SLC13A4: variants seen among roughly 807,000 people sequenced by gnomAD.
SLC13A4 encodes solute carrier family 13 member 4.
In SLC13A4, 28 loss-of-function variants were observed where a neutral mutation model predicts 72.7. The ratio of observed to expected loss-of-function variants is 0.39; its 90% CI spans 0.29 to 0.53. SLC13A4 has a LOEUF of 0.53. SLC13A4 is among the 20% of genes least tolerant of loss of function. SLC13A4 has a pLI of 0.78. For synonymous variants in SLC13A4, 312 were observed against 325.5 expected (o/e 0.96, Z 0.45); for missense variants, 653 against 788.0 (o/e 0.83, Z 2.05).
intron 2 of SLC13A4, among the ~76,000 whole-genome samples, chr7:135,711,675 C>T (rs1216664289): frequency 6.6e-6 from 1 of 152,302 alleles, no homozygotes; most frequent in Non-Finnish European, 1.5e-5. Context: ...CGACTGGAAA[C>T]CCCCATCTGA....
At chr7:135,707,245 A>G (rs560132683) in intron 3 of SLC13A4, among the ~76,000 whole-genome samples, 1 of 152,338 alleles carries the variant, frequency 6.6e-6, no homozygotes, top group East Asian at 1.9e-4. Flanking sequence ...AAAGAGCCAC[A>G]GAGTCTCCAT....
At position 135,691,625 on chromosome 7, in the gene SLC13A4, G is replaced by T; in HGVS notation, c.1244C>A (p.Ala415Asp). The T allele has an allele frequency of 6.2e-7, 1 of 1,613,396 alleles. No homozygotes were observed. Among genetic ancestry groups the T allele is most frequent in the South Asian group, 1.1e-5 (1 of 91,066 alleles). Residue 415 changes from alanine (A) to aspartate (D), a missense_variant, in exon 12 of 16, where the codon GCC (alanine) becomes GAC (aspartate). Physicochemically the swap from Ala to Asp is moderately radical, Grantham distance 126. Coordinates refer to ENST00000682651, the MANE Select transcript of SLC13A4 (RefSeq NM_001318192.2). ...GAAGCCAAGGAAGACAGAGACTGTG[G>T]CATCAGTACGGTAGCCTTTCCTAGT... ...FFEKKGYRTD[A>D]TVSVFLGFLL...
In SLC13A4 at chr7:135,699,422, C is replaced by T. The variant is rs757537197; in HGVS notation, c.841G>A (p.Gly281Ser). 19 of 1,612,872 alleles carry T rather than the reference C, an allele frequency of 1.2e-5. No individual in the cohort carries two copies. Among genetic ancestry groups the T allele is most frequent in the South Asian group, 5.5e-5 (5 of 90,664 alleles). ...LSISYSATIGGLTTIIGTSTS... is the reference protein window; with the variant it reads ...LSISYSATIGSLTTIIGTSTS... ...GAGGTGCCGATGATGGTGGTCAGGC[C>T]GCCAATGGTAGCGGAGTAGGATATG... The change falls in exon 8 of 16, where the codon GGC becomes AGC. Residue 281 changes from glycine to serine, a missense_variant. Transcript: ENST00000682651.
intron 8 of SLC13A4, among the ~76,000 whole-genome samples, chr7:135,696,549 C>T (rs113401645): frequency 4.6e-4 from 70 of 152,206 alleles, no homozygotes; most frequent in African/African-American, 8.2e-4. Context: ...GACGGGGTTT[C>T]GCCATGTTGG....
chr7:135,709,109 T>C (rs1197154887), intron 2 of SLC13A4, among the ~76,000 whole-genome samples: 1 of 151,766 alleles, frequency 6.6e-6, no homozygotes. Flanking sequence ...TTTTTTGTAT[T>C]TTTAGTAGAG....
chr7:135,708,230 C>T lies in SLC13A4; in HGVS notation c.249G>A (p.Lys83=), dbSNP rs898686803. The change falls in exon 3 of 16, where the codon AAG becomes AAA. Residue 83 remains lysine (K), a synonymous_variant. Coordinates refer to ENST00000682651, the MANE Select transcript of SLC13A4 (RefSeq NM_001318192.2). ...RSNEVAAEYF[K]NTTLLLVGVI... Reference sequence around the variant, plus strand: ...CCCCCACCAGCAGCAGCGTGGTGTTCTTGAAGTACTCCGCCGCCACCTGTA... The same window carrying T: ...CCCCCACCAGCAGCAGCGTGGTGTTTTTGAAGTACTCCGCCGCCACCTGTA... The T allele has an allele frequency of 6.2e-7, 1 of 1,614,246 alleles. No homozygotes were observed. The highest frequency in any genetic ancestry group is 1.7e-5 in the Admixed American group (1 of 60,038).
chr7:135,719,585 T>C (rs1055897925), intron 2 of SLC13A4, among the ~76,000 whole-genome samples: 1 of 152,076 alleles, frequency 6.6e-6, no homozygotes, highest in Non-Finnish European at 1.5e-5. Context: ...CAAAACCCCA[T>C]ATTACCTATT....
intron 2 of SLC13A4, among the ~76,000 whole-genome samples, chr7:135,715,203 ATGTG>A: frequency 6.8e-6 from 1 of 146,438 alleles, no homozygotes; most frequent in Non-Finnish European, 1.5e-5. Context: ...GTATGAGTGT[ATGTG>A]TGCATGAGTG....
At position 135,681,337 on chromosome 7, in the gene SLC13A4, G is replaced by A. The variant is rs1314351929; in HGVS notation, c.*226C>T. The A allele has an allele frequency of 1.4e-5, 6 of 424,418 alleles. No homozygotes were observed. Among genetic ancestry groups the A allele is most frequent in the Non-Finnish European group, 2.5e-5 (6 of 241,598 alleles). The allele number at this position is 424,418 out of a possible 1,614,324, so 26.3% of individuals were successfully genotyped here. On this transcript the variant is annotated 3_prime_UTR_variant, in exon 16 of 16. Coordinates refer to ENST00000682651, the MANE Select transcript of SLC13A4 (RefSeq NM_001318192.2). ...AAACTTTAGGTTTTCTTGAGCTGTG[G>A]TGCTGAGGGCAGGAAGAAGACACTA...
intron 1 of SLC13A4, among the ~76,000 whole-genome samples, chr7:135,723,524 T>C (rs1796588808): frequency 6.6e-6 from 1 of 152,132 alleles, no homozygotes; most frequent in Non-Finnish European, 1.5e-5. Flanking sequence ...AAAATCCAAG[T>C]TGGCTGTGGG....
rs1795778605 is a variant in SLC13A4, at chr7:135,691,227, C to T, written c.1420G>A (p.Gly474Ser). 1 of 1,610,320 alleles carries T rather than the reference C, an allele frequency of 6.2e-7. No homozygotes were observed. The highest frequency in any genetic ancestry group is 8.5e-7 in the Non-Finnish European group (1 of 1,178,934). ...TTGCTACCAGAAGCCAGAGCATAGC[C>T]TCCCCCAACCAGAATGACAATCTCC... Reference protein sequence around the residue: ...PWEIVILVGGGYALASGSKSS... With the variant: ...PWEIVILVGGSYALASGSKSS... The change falls in exon 13 of 16, where the codon GGC becomes AGC. Residue 474 changes from glycine (G) to serine (S), a missense_variant. Coordinates refer to ENST00000682651, the MANE Select transcript of SLC13A4 (RefSeq NM_001318192.2).
intron 13 of SLC13A4, among the ~76,000 whole-genome samples, chr7:135,690,180 CAAAAAAAAAAA>C (rs57390577): frequency 2.0e-4 from 6 of 29,610 alleles, no homozygotes; most frequent in Non-Finnish European, 3.6e-4. Context: ...GACTCTGTCT[CAAAAAAAAAAA>C]AAAAAAAAAA....
chr7:135,699,617 G>T, intron 7 of SLC13A4, 69 bp from the exon 8 acceptor site: 1 of 1,405,722 alleles, frequency 7.1e-7, no homozygotes, highest in Admixed American at 2.1e-5. Flanking sequence ...TGAGAGGCAG[G>T]AGGCACCATG....
chr7:135,721,468 G>A lies in SLC13A4; in HGVS notation c.155C>T (p.Ala52Val), dbSNP rs758418101. The change falls in exon 2 of 16, where the codon GCA (alanine) becomes GTA (valine). Residue 52 changes from alanine (A) to valine (V), a missense_variant. Coordinates refer to ENST00000682651, the MANE Select transcript of SLC13A4 (RefSeq NM_001318192.2). ...CAGGGCTGCAGCTCCCAGAGGCACTGCCTCCGACACCCAGTACACAGCAGT... is the reference window on the plus strand; with the variant it reads ...CAGGGCTGCAGCTCCCAGAGGCACTACCTCCGACACCCAGTACACAGCAGT... ...IVTAVYWVSE[A>V]VPLGAAALVP... The A allele has an allele frequency of 6.2e-7, 1 of 1,614,112 alleles. No individual in the cohort carries two copies. The highest frequency in any genetic ancestry group is 1.7e-5 in the Admixed American group (1 of 60,014).
intron 13 of SLC13A4, among the ~76,000 whole-genome samples, chr7:135,690,980 C>T (rs1404556653): frequency 6.6e-6 from 1 of 152,120 alleles, no homozygotes; most frequent in African/African-American, 2.4e-5. Flanking sequence ...GCCTGGCCAA[C>T]ATGGTGAAAC....
intron 6 of SLC13A4, 68 bp downstream of exon 6, chr7:135,702,777 G>GT (rs1448758465): frequency 1.6e-5 from 21 of 1,325,580 alleles, no homozygotes; most frequent in Non-Finnish European, 2.1e-5. Flanking sequence ...TGAATCTTGG[G>GT]TTTCCATGAA....
rs984164088 is a variant in SLC13A4 at position 135,686,706 on chromosome 7, A to T, written c.1447-1023T>A. Among the ~76,000 whole-genome samples, 64 of 152,206 alleles carry T rather than the reference A, an allele frequency of 4.2e-4. 1 individual carries two copies. The highest frequency in any genetic ancestry group is 1.4e-3 in the African/African-American group (60 of 41,462). On this transcript the variant is annotated intron_variant, in intron 13 of 15. Coordinates refer to ENST00000682651, the MANE Select transcript of SLC13A4 (RefSeq NM_001318192.2). ...TTTTTGAAGACACAGATATGAAGGC[A>T]TATTGACCGTCCTGAATTTATTCCA...
chr7:135,685,595 A>G lies in SLC13A4; in HGVS notation c.1535T>C (p.Leu512Pro), dbSNP rs1160424069. The G allele has an allele frequency of 1.2e-5, 20 of 1,614,118 alleles. No individual in the cohort carries two copies. Among genetic ancestry groups the G allele is most frequent in the Non-Finnish European group, 1.7e-5 (20 of 1,180,034 alleles). ...PWAVTLLACI[L>P]VSIVTEFVSN... ...CACAAACTCAGTGACAATGGACACG[A>G]GGATGCATGCCAGCAGGGTGACAGC... The change falls in exon 14 of 16, where the codon CTC (leucine) becomes CCC (proline). Residue 512 changes from leucine to proline, a missense_variant. By Grantham distance (98) the Leu-to-Pro change is moderately conservative. Coordinates refer to ENST00000682651, the MANE Select transcript of SLC13A4 (RefSeq NM_001318192.2).
intron 1 of SLC13A4, among the ~76,000 whole-genome samples, chr7:135,721,730 C>T (rs953451689): frequency 6.6e-6 from 1 of 152,172 alleles, no homozygotes; most frequent in Non-Finnish European, 1.5e-5. Context: ...GCTGCTCCTT[C>T]GGGGACCGAT....
Sources: gnomAD v4.1 joint callset for allele counts (sites outside exome capture counted in the v4.1 genomes callset) on GRCh38, gnomAD v4.1.1 for gene constraint, MANE v1.5 for transcripts, NCBI Gene and HGNC (gene_info 2026-07-23, HGNC 2026-07-21) for gene names.